Variants in FBXO34 observed in about 807,000 individuals in gnomAD.
FBXO34 encodes F-box protein 34, also known as F-box only protein 34.
Under a neutral mutation model 24.5 loss-of-function variants are expected in FBXO34, and 12 were observed. The observed-to-expected ratio is 0.49, with a 90% CI of 0.31 to 0.79. The LOEUF (loss-of-function observed/expected upper bound fraction) is 0.79. FBXO34 is among the 30% of genes least tolerant of loss of function. The pLI is 0.04. For missense variants in FBXO34, 823 were observed against 857.7 expected, an observed-to-expected ratio of 0.96 and a Z score of 0.51; for synonymous variants, 320 against 311.9, an observed-to-expected ratio of 1.03 and a Z score of -0.27.
At chr14:55,368,192 G>A (rs192156454), downstream of FBXO34, 33 of 152,648 alleles carry the variant, frequency 2.2e-4, no homozygotes, top group African/African-American at 7.5e-4. Flanking sequence ...GACAAGACAC[G>A]TGAGCTGAAA....
chr14:55,383,327 G>A, the FBXO34 span, among the ~76,000 whole-genome samples: 8 of 152,102 alleles, frequency 5.3e-5, no homozygotes, highest in East Asian at 1.5e-3. Flanking sequence ...GAGGCAGGCA[G>A]ATCACTTGAG....
chr14:55,388,431 C>T, the FBXO34 span, among the ~76,000 whole-genome samples: 2 of 152,370 alleles, frequency 1.3e-5, no homozygotes, highest in African/African-American at 4.8e-5. Flanking sequence ...TCCCTACCAT[C>T]TCCCCATAAA....
chr14:55,434,382 T>C, the FBXO34 span, among the ~76,000 whole-genome samples: 1 of 152,064 alleles, frequency 6.6e-6, no homozygotes, highest in African/African-American at 2.4e-5. Context: ...CATGGACGTG[T>C]CATCAAATGG....
chr14:55,291,549 A>T (rs1191091683), intron 1 of FBXO34, among the ~76,000 whole-genome samples: 3 of 152,202 alleles, frequency 2.0e-5, no homozygotes, highest in Non-Finnish European at 4.4e-5. Context: ...TAAATTAAAA[A>T]GTAGGTTAGG....
At chr14:55,290,568 T>C (rs1001331728) in intron 1 of FBXO34, among the ~76,000 whole-genome samples, 1 of 152,166 alleles carries the variant, frequency 6.6e-6, no homozygotes, top group African/African-American at 2.4e-5. Flanking sequence ...TGTGTCCTCA[T>C]TGACTTAGCA....
chr14:55,390,638 T>C, the FBXO34 span, among the ~76,000 whole-genome samples: 1 of 152,256 alleles, frequency 6.6e-6, no homozygotes, highest in South Asian at 2.1e-4. Context: ...CCCAAAGTGC[T>C]GGGATTACAG....
At chr14:55,330,025 T>C (rs1883479938) in intron 1 of FBXO34, among the ~76,000 whole-genome samples, 1 of 152,184 alleles carries the variant, frequency 6.6e-6, no homozygotes, top group African/African-American at 2.4e-5. Context: ...GTTTTAGATT[T>C]GTGCGTTTCT....
rs759231731 is a variant in FBXO34, at chr14:55,351,408, G to T, written c.1018G>T (p.Val340Leu). The change falls in exon 2 of 2, where the codon GTG becomes TTG. Residue 340 changes from valine to leucine, a missense_variant. Around this residue, in one of 2 missense-constraint regions of FBXO34, gnomAD observed 693 missense variants for 659.1 expected, o/e 1.05. Transcript: ENST00000313833. ...CGTCTTGGAGGCACCTGACACTCAGGTGAATCCTGTGGGGTCTGTATCTGT... is the reference window on the plus strand; with the variant it reads ...CGTCTTGGAGGCACCTGACACTCAGTTGAATCCTGTGGGGTCTGTATCTGT... ...KGVLEAPDTQVNPVGSVSVDC... is the reference protein window; with the variant it reads ...KGVLEAPDTQLNPVGSVSVDC... 1 of 1,614,206 alleles carries T rather than the reference G, an allele frequency of 6.2e-7. No individual in the cohort carries two copies. Among genetic ancestry groups the T allele is most frequent in the South Asian group, 1.1e-5 (1 of 91,084 alleles).
At chr14:55,430,041 C>T in the FBXO34 span, among the ~76,000 whole-genome samples, 35 of 152,222 alleles carry the variant, frequency 2.3e-4, no homozygotes, top group Middle Eastern at 3.4e-3. Context: ...GTGGCTATGT[C>T]CTTTAAGTGT....
At chr14:55,323,225 ATTTT>A (rs1194283087) in intron 1 of FBXO34, among the ~76,000 whole-genome samples, 21 of 19,204 alleles carry the variant, frequency 1.1e-3, no homozygotes, top group Admixed American at 7.5e-4. Flanking sequence ...AAAAATATAT[ATTTT>A]TTTTTTTTTT....
intron 1 of FBXO34, among the ~76,000 whole-genome samples, chr14:55,331,761 G>GTGTATATATATATATATATGTGTA (rs1555338555): frequency 3.3e-5 from 1 of 29,996 alleles, no homozygotes; most frequent in African/African-American, 7.4e-4. Flanking sequence ...ATATATATAT[G>GTGTATATATATATATATATGTGTA]TATATATATA....
the FBXO34 span, among the ~76,000 whole-genome samples, chr14:55,426,898 G>C: frequency 7.2e-5 from 11 of 152,318 alleles, no homozygotes; most frequent in East Asian, 2.1e-3. Context: ...GCTCTGCAAG[G>C]AAGATGCTGG....
rs1055203365 is a variant in FBXO34, at chr14:55,325,601, G to C, written c.-10-24780G>C. ...AGCAATTCTTCTGCCTCAGCCTCCT[G>C]AGTAACTGGGATTACAGGCATGTGC... is the stretch of plus-strand genomic sequence containing the variant. On this transcript the variant is annotated intron_variant, in intron 1 of 1. Transcript: ENST00000313833. Among the ~76,000 whole-genome samples the C allele has an allele frequency of 3.9e-5, 6 of 152,124 alleles. No individual in the cohort carries two copies. In the South Asian group the frequency reaches 1.2e-3, roughly 32 times the overall value.
intron 1 of FBXO34, among the ~76,000 whole-genome samples, chr14:55,327,081 G>C (rs1883365526): frequency 6.6e-6 from 1 of 152,136 alleles, no homozygotes; most frequent in African/African-American, 2.4e-5. Flanking sequence ...AGGGAGTGTG[G>C]GGAATAGTAC....
At chr14:55,402,683 TTA>T in the FBXO34 span, among the ~76,000 whole-genome samples, 1 of 151,182 alleles carries the variant, frequency 6.6e-6, no homozygotes, top group Non-Finnish European at 1.5e-5. Flanking sequence ...TTTTTTAACT[TTA>T]TGTTAGAATA....
chr14:55,360,566 C>G (rs1022538185), intron 3 of FBXO34, among the ~76,000 whole-genome samples: 2 of 152,164 alleles, frequency 1.3e-5, no homozygotes, highest in African/African-American at 2.4e-5. Flanking sequence ...TTGGAATCAA[C>G]TCATAAACCC....
the FBXO34 span, among the ~76,000 whole-genome samples, chr14:55,389,975 T>A: frequency 6.6e-6 from 1 of 152,166 alleles, no homozygotes; most frequent in Non-Finnish European, 1.5e-5. Context: ...AAAAACAATA[T>A]TCTGTGCTTC....
chr14:55,352,662 A>G lies in FBXO34; in HGVS notation c.*136A>G. 1 of 733,276 alleles carries G rather than the reference A, an allele frequency of 1.4e-6. No individual in the cohort carries two copies. Among genetic ancestry groups the G allele is most frequent in the Non-Finnish European group, 2.1e-6 (1 of 475,284 alleles). 45.4% of individuals were successfully genotyped at this position (733,276 alleles called of 1,614,324 possible). A position where few individuals can be genotyped will look rare whatever the true frequency, so the allele number is the denominator to read the frequency against. On this transcript the variant is annotated 3_prime_UTR_variant, in exon 2 of 2. Transcript: ENST00000313833. The stretch of plus-strand genomic sequence containing the variant: ...ATCATCAGGACTGCATTGCTCAGGC[A>G]TTTTCTAAACTCTAAATTTACGAGC...
At chr14:55,377,058 A>G in the FBXO34 span, among the ~76,000 whole-genome samples, 1 of 152,176 alleles carries the variant, frequency 6.6e-6, no homozygotes, top group Admixed American at 6.5e-5. Flanking sequence ...TGATAAGAAA[A>G]TTGTGTGGCC....
Sources: gnomAD v4.1 joint callset for allele counts (sites outside exome capture counted in the v4.1 genomes callset) on GRCh38, gnomAD v4.1.1 for gene constraint, gnomAD v4.1.1 regional missense constraint, MANE v1.5 for transcripts, NCBI Gene and HGNC (gene_info 2026-07-23, HGNC 2026-07-21) for gene names.